Variants in RALY observed in about 807,000 individuals in gnomAD.
RALY encodes RALY heterogeneous nuclear ribonucleoprotein, also known as RNA-binding protein Raly.
In RALY, 15 loss-of-function variants were observed where a neutral mutation model predicts 30.7. That is an observed-to-expected ratio of 0.49 (90% confidence interval 0.33 to 0.75). The LOEUF (loss-of-function observed/expected upper bound fraction) is 0.75, where lower values mean the gene tolerates loss of function less well. RALY is among the 30% of genes least tolerant of loss of function. The pLI, the probability that RALY is intolerant of heterozygous loss-of-function variation, is 0.02. For missense variants in RALY, 339 were observed against 414.3 expected (o/e 0.82, Z 1.58); for synonymous variants, 177 against 170.8 (o/e 1.04, Z -0.28).
chr20:34,072,748 A>G (rs1215218677), intron 3 of RALY, among the ~76,000 whole-genome samples: 2 of 152,182 alleles, frequency 1.3e-5, no homozygotes, highest in East Asian at 3.8e-4. Flanking sequence ...TGTCCATGTG[A>G]TATGACTATG....
chr20:34,036,824 C>CT (rs1164961993), intron 2 of RALY, among the ~76,000 whole-genome samples: 1 of 150,528 alleles, frequency 6.6e-6, no homozygotes, highest in Non-Finnish European at 1.5e-5. Context: ...TAATTTGTGT[C>CT]TTTTTTTTTC....
chr20:34,062,809 G>GTGAC (rs1401398093), intron 2 of RALY, among the ~76,000 whole-genome samples: 1 of 152,236 alleles, frequency 6.6e-6, no homozygotes, highest in Non-Finnish European at 1.5e-5. Context: ...ACAGCAAGCA[G>GTGAC]TGACTAATCT....
chr20:34,073,535 TC>T, intron 3 of RALY, 27 bp from the exon 4 acceptor site: 1 of 1,541,650 alleles, frequency 6.5e-7, no homozygotes, highest in South Asian at 1.1e-5. Flanking sequence ...ATGTTAGCAT[TC>T]CAACTCTGCC....
chr20:34,055,647 A>G (rs974844411), intron 2 of RALY, among the ~76,000 whole-genome samples: 7 of 152,224 alleles, frequency 4.6e-5, no homozygotes, highest in African/African-American at 1.4e-4. Flanking sequence ...GTATTTTAAT[A>G]CAATCTCCTC....
At chr20:34,032,623 G>A (rs2032328701) in intron 2 of RALY, among the ~76,000 whole-genome samples, 1 of 152,014 alleles carries the variant, frequency 6.6e-6, no homozygotes, top group Admixed American at 6.5e-5. Flanking sequence ...AGCCTCCCGA[G>A]TAGCTGGAAT....
At chr20:34,076,948 C>T in intron 7 of RALY, 80 bp from the exon 8 acceptor site, 1 of 1,605,464 alleles carries the variant, frequency 6.2e-7, no homozygotes. Flanking sequence ...ATGCTGAGGC[C>T]AGCTTCCGCT....
intron 1 of RALY, among the ~76,000 whole-genome samples, chr20:34,014,242 G>A (rs1172113135): frequency 6.6e-6 from 1 of 152,108 alleles, no homozygotes; most frequent in Non-Finnish European, 1.5e-5. Flanking sequence ...CTTGTTAAAG[G>A]ACGCGTATGT....
At chr20:34,025,074 C>T (rs1194716878) in intron 1 of RALY, among the ~76,000 whole-genome samples, 1 of 152,172 alleles carries the variant, frequency 6.6e-6, no homozygotes, top group Non-Finnish European at 1.5e-5. Context: ...CTTTTACTCC[C>T]TGTGTGTGGT....
intron 8 of RALY, 123 bp from the exon 9 acceptor site, chr20:34,078,381 CG>C (rs2033953030): frequency 1.3e-6 from 1 of 791,816 alleles, no homozygotes; most frequent in Non-Finnish European, 1.8e-6. Flanking sequence ...GCTGTTCCTG[CG>C]TCTTCTGACT....
intron 2 of RALY, among the ~76,000 whole-genome samples, chr20:34,035,152 C>CAA (rs61301033): frequency 0.026 from 857 of 32,530 alleles, 222 homozygotes; most frequent in Non-Finnish European, 0.05. Context: ...GACTCCATCT[C>CAA]AAAAAAAAAA....
intron 3 of RALY, among the ~76,000 whole-genome samples, chr20:34,073,200 T>G (rs1333953518): frequency 6.6e-6 from 1 of 152,064 alleles, no homozygotes; most frequent in Admixed American, 6.6e-5. Context: ...TGTGTGAGTG[T>G]GGCTCTGTGT....
rs771047940 is a variant in RALY, at chr20:34,078,570, C to T, written c.*4+17C>T. ...AGTAAGCAGGTACAGGGGTCCTGTC[C>T]TGATGGGCAGAGGGTGGGGAATCAG... is the stretch of plus-strand genomic sequence containing the variant. On this transcript the variant is annotated intron_variant, in intron 9 of 9. Coordinates refer to ENST00000246194, the MANE Select transcript of RALY (RefSeq NM_016732.3). 3.0e-5 allele frequency: 46 copies of T among 1,547,992 alleles called. 1 individual carries two copies. The South Asian group carries it at 4.3e-4, about 15-fold the overall frequency.
chr20:34,075,787 C>G, intron 5 of RALY, 87 bp from the exon 6 acceptor site: 1 of 1,425,552 alleles, frequency 7.0e-7, no homozygotes, highest in South Asian at 1.3e-5. Flanking sequence ...AGCCCCTCAC[C>G]AGCCACACAC....
At chr20:34,012,768 T>C (rs1015754392) in intron 1 of RALY, among the ~76,000 whole-genome samples, 1 of 152,244 alleles carries the variant, frequency 6.6e-6, no homozygotes, top group Non-Finnish European at 1.5e-5. Flanking sequence ...GCAAGGCTCA[T>C]GCAGTCTGGT....
chr20:34,031,790 G>T (rs548416825), intron 2 of RALY, among the ~76,000 whole-genome samples, 186 bp downstream of exon 2: 2 of 152,318 alleles, frequency 1.3e-5, no homozygotes, highest in South Asian at 4.1e-4. Flanking sequence ...TGCTCTCCTA[G>T]AATTGCCACA....
intron 1 of RALY, among the ~76,000 whole-genome samples, chr20:34,024,156 G>C (rs552594269): frequency 6.6e-6 from 1 of 152,160 alleles, no homozygotes; most frequent in East Asian, 1.9e-4. Flanking sequence ...TAAAATGGTT[G>C]AGCCCTTCCA....
At chr20:33,996,397 T>G (rs1412208897) in intron 1 of RALY, among the ~76,000 whole-genome samples, 1 of 152,214 alleles carries the variant, frequency 6.6e-6, no homozygotes, top group South Asian at 2.1e-4. Flanking sequence ...CTAAATTTAT[T>G]AAGTACTTAA....
intron 6 of RALY, 108 bp downstream of exon 6, chr20:34,076,148 A>T: frequency 1.5e-6 from 2 of 1,320,588 alleles, no homozygotes; most frequent in Non-Finnish European, 2.1e-6. Flanking sequence ...AGTCTTCCAC[A>T]GTTCTGCTGC....
chr20:34,032,513 G>A (rs563525046), intron 2 of RALY, among the ~76,000 whole-genome samples: 1 of 152,074 alleles, frequency 6.6e-6, no homozygotes, highest in East Asian at 1.9e-4. Flanking sequence ...TGTGTGTTGG[G>A]GGGGGTTTTA....
Sources: gnomAD v4.1 joint callset for allele counts (sites outside exome capture counted in the v4.1 genomes callset) on GRCh38, gnomAD v4.1.1 for gene constraint, MANE v1.5 for transcripts, NCBI Gene and HGNC (gene_info 2026-07-23, HGNC 2026-07-21) for gene names.